Variants in VAMP7 observed in about 807,000 individuals in gnomAD.
The protein encoded by VAMP7 is vesicle-associated membrane protein 7.
VAMP7 carries 14 observed loss-of-function variants against 29.6 expected under a neutral mutation model. The observed-to-expected ratio is 0.47, with a 90% CI of 0.31 to 0.74. VAMP7 has a LOEUF of 0.74. Ranked by LOEUF, VAMP7 falls within the 30% of genes least tolerant of loss-of-function variation. The probability of loss-of-function intolerance (pLI) is 0.05; values close to 1 mark genes in which losing one functional copy is unlikely to be tolerated. For missense variants in VAMP7, 223 were observed against 262.4 expected (o/e 0.85, Z 1.04); for synonymous variants, 95 against 88.1 (o/e 1.08, Z -0.44).
chrX:155,881,475 G>T, intron 1 of VAMP7, 27 bp downstream of exon 1: 2 of 152,928 alleles, frequency 1.3e-5, no homozygotes, highest in East Asian at 1.9e-4. Context: ...GCGCCTGCGG[G>T]AGGCGGGGAG....
At chrX:155,920,554 A>C (rs995876826) in intron 6 of VAMP7, among the ~76,000 whole-genome samples, 16 of 152,274 alleles carry the variant, frequency 1.1e-4, no homozygotes, top group African/African-American at 3.9e-4. Flanking sequence ...GAAAACAGTG[A>C]TTGATTATGT....
chrX:155,935,167 A>G (rs948227648), intron 6 of VAMP7, among the ~76,000 whole-genome samples: 2 of 151,350 alleles, frequency 1.3e-5, no homozygotes, highest in Non-Finnish European at 2.9e-5. Context: ...GTGATCTGAC[A>G]ATTATGTGTC....
At chrX:155,904,987 A>G (rs1198561369) in intron 5 of VAMP7, among the ~76,000 whole-genome samples, 1 of 151,044 alleles carries the variant, frequency 6.6e-6, no homozygotes, top group Non-Finnish European at 1.5e-5. Context: ...CAACTTTGTA[A>G]CATTTTGAAG....
intron 6 of VAMP7, among the ~76,000 whole-genome samples, chrX:155,931,036 G>A (rs2066544813): frequency 6.6e-6 from 1 of 152,172 alleles, no homozygotes; most frequent in African/African-American, 2.4e-5. Context: ...CAAAGGACAT[G>A]AACTCATCCT....
intron 6 of VAMP7, among the ~76,000 whole-genome samples, chrX:155,932,823 G>A (rs1280146222): frequency 1.3e-5 from 2 of 152,150 alleles, no homozygotes; most frequent in Non-Finnish European, 2.9e-5. Context: ...TGCCCATTCA[G>A]TATGATATTG....
intron 5 of VAMP7, among the ~76,000 whole-genome samples, chrX:155,916,030 TG>T (rs2066307544): frequency 6.6e-6 from 1 of 152,234 alleles, no homozygotes; most frequent in South Asian, 2.1e-4. Context: ...TTTATGAATC[TG>T]GGTGCTCCTG....
chrX:155,927,676 T>C (rs2066490224), intron 6 of VAMP7, among the ~76,000 whole-genome samples: 1 of 151,868 alleles, frequency 6.6e-6, no homozygotes, highest in Non-Finnish European at 1.5e-5. Flanking sequence ...TGATGAGAGA[T>C]TCTCTAAGCT....
chrX:155,900,900 G>A (rs192810609), intron 5 of VAMP7, among the ~76,000 whole-genome samples: 13 of 152,130 alleles, frequency 8.5e-5, no homozygotes, highest in East Asian at 5.8e-4. Context: ...AATGTATCAC[G>A]GGTTACCTAA....
At position 155,898,218 on chromosome X, in the gene VAMP7, G is replaced by A. The variant is rs749965834; in HGVS notation, c.311G>A (p.Ser104Asn). ...AQTALPYAMN[S>N]EFSSVLAAQL... ...ACAGCACTTCCATATGCCATGAATA[G>A]CGAGTTCTCAAGTGTCTTAGCTGCA... Residue 104 changes from serine to asparagine, a missense_variant, in exon 4 of 8, where the codon AGC becomes AAC. Ser to Asn is a conservative substitution (Grantham distance 46, BLOSUM62 1). Transcript: ENST00000286448. The A allele has an allele frequency of 6.2e-7, 1 of 1,613,522 alleles. No individual in the cohort carries two copies. The highest frequency in any genetic ancestry group is 1.1e-5 in the South Asian group (1 of 91,032).
At position 155,889,476 on chromosome X, in the gene VAMP7, C is replaced by CT. The variant is rs781134359; in HGVS notation, c.15dup (p.Ala6CysfsTer30). 1 of 1,613,342 alleles carries CT rather than the reference C, an allele frequency of 6.2e-7. No individual in the cohort carries two copies. The highest frequency in any genetic ancestry group is 8.5e-7 in the Non-Finnish European group (1 of 1,179,586). On this transcript the variant is annotated frameshift_variant, in exon 2 of 8. Coordinates refer to ENST00000286448, the MANE Select transcript of VAMP7 (RefSeq NM_005638.6). LOFTEE classifies it high-confidence loss of function. The stretch of plus-strand genomic sequence containing the variant: ...TTGATAGACTGAAGCCATGGCGATT[C>CT]TTTTTGCTGTTGTTGCCAGGGGGAC...
intron 5 of VAMP7, among the ~76,000 whole-genome samples, chrX:155,904,286 A>G (rs1052145475): frequency 1.3e-5 from 2 of 151,740 alleles, no homozygotes; most frequent in African/African-American, 4.8e-5. Context: ...GCACACCAGC[A>G]TGGCACATGT....
At position 155,926,235 on chromosome X, in the gene VAMP7, A is replaced by G. The variant is rs374702813; in HGVS notation, c.501+6355A>G. On this transcript the variant is annotated intron_variant, in intron 6 of 7. Coordinates refer to ENST00000286448, the MANE Select transcript of VAMP7 (RefSeq NM_005638.6). ...TGAAGCCAGTCATTGGCTTCTCTCTATGAAAGTCCTAGATGGCATCTTCTT... is the reference window on the plus strand; with the variant it reads ...TGAAGCCAGTCATTGGCTTCTCTCTGTGAAAGTCCTAGATGGCATCTTCTT... 1.9e-3 allele frequency among the ~76,000 whole-genome samples: 287 copies of G among 152,286 alleles called. 1 individual carries two copies. The highest frequency in any genetic ancestry group is 6.7e-3 in the African/African-American group (279 of 41,572).
intron 6 of VAMP7, among the ~76,000 whole-genome samples, chrX:155,925,825 C>T (rs967414678): frequency 1.3e-5 from 2 of 152,174 alleles, no homozygotes; most frequent in African/African-American, 4.8e-5. Context: ...AAGCAGTTCC[C>T]AGCTTGACTT....
intron 6 of VAMP7, among the ~76,000 whole-genome samples, chrX:155,921,035 C>A (rs373099455): frequency 8.6e-4 from 131 of 152,244 alleles, no homozygotes; most frequent in African/African-American, 2.9e-3. Context: ...AGAGAAGTAT[C>A]TGATTCCAGA....
At chrX:155,940,179 G>C (rs2066723357) in intron 7 of VAMP7, among the ~76,000 whole-genome samples, 1 of 152,026 alleles carries the variant, frequency 6.6e-6, no homozygotes, top group Middle Eastern at 3.2e-3. Flanking sequence ...CCTTAAACAA[G>C]AACTCTTTGG....
At chrX:155,918,652 G>A (rs188942931) in intron 5 of VAMP7, among the ~76,000 whole-genome samples, 1 of 152,242 alleles carries the variant, frequency 6.6e-6, no homozygotes, top group Non-Finnish European at 1.5e-5. Flanking sequence ...TGTCTAACCA[G>A]TCCCAATGAG....
chrX:155,932,122 A>G (rs1481213576), intron 6 of VAMP7, among the ~76,000 whole-genome samples: 4 of 152,164 alleles, frequency 2.6e-5, no homozygotes, highest in Non-Finnish European at 5.9e-5. Flanking sequence ...CTTGCAGTAT[A>G]GTTTGAAGTC....
At chrX:155,928,403 A>T (rs1472988047) in intron 6 of VAMP7, among the ~76,000 whole-genome samples, 1 of 152,300 alleles carries the variant, frequency 6.6e-6, no homozygotes, top group East Asian at 1.9e-4. Context: ...CTGGGCTGAA[A>T]TTAAGGTGTT....
rs1454393076 is a variant in VAMP7 at position 155,890,183 on chromosome X, C to A, written c.146+571C>A. Among the ~76,000 whole-genome samples the A allele has an allele frequency of 2.0e-5, 3 of 151,882 alleles. No individual in the cohort carries two copies. The East Asian group carries it at 5.8e-4, about 30-fold the overall frequency. ...GCGGGCATATTTAGGGAACTGCAGA[C>A]TGTTCTCTGTGACTGGTGCCCAGGA... is the stretch of plus-strand genomic sequence containing the variant. On this transcript the variant is annotated intron_variant, in intron 2 of 7. Transcript: ENST00000286448.
Sources: gnomAD v4.1 joint callset for allele counts (sites outside exome capture counted in the v4.1 genomes callset) on GRCh38, gnomAD v4.1.1 for gene constraint, MANE v1.5 for transcripts, NCBI Gene and HGNC (gene_info 2026-07-23, HGNC 2026-07-21) for gene names.